The following CAMSAP2 variants were observed in gnomAD, a reference collection of about 807,000 sequenced individuals.
CAMSAP2 encodes the protein calmodulin regulated spectrin associated protein family member 2.
In CAMSAP2, 26 loss-of-function variants were observed where a neutral mutation model predicts 146.1. The observed-to-expected ratio is 0.18, with a 90% CI of 0.13 to 0.25. The LOEUF is 0.25. Among genes scored for constraint, CAMSAP2 ranks in the 10% least tolerant of loss-of-function variants. CAMSAP2 has a pLI of 1.00. For missense variants in CAMSAP2, 1,381 were observed against 1,759.3 expected (o/e 0.78, Z 3.85); for synonymous variants, 499 against 596.6 (o/e 0.84, Z 2.38).
chr1:200,848,994 C>T lies in CAMSAP2; in HGVS notation c.2225C>T (p.Thr742Ile), dbSNP rs267598286. The T allele has an allele frequency of 3.1e-6, 5 of 1,614,136 alleles. No homozygotes were observed. The Admixed American group carries it at 6.7e-5, about 22-fold the overall frequency. Residue 742 changes from threonine to isoleucine, a missense_variant, in exon 11 of 17, where the codon ACT becomes ATT. This residue lies in a region of CAMSAP2 where 560 missense variants were observed against 715.9 expected (regional missense o/e 0.78). Transcript: ENST00000358823. ...EETGLPQGRD[T>I]TQLLASEMVH... ...ACAGGGCTTCCACAGGGACGGGACA[C>T]TACCCAGCTGTTGGCCTCTGAAATG... is the stretch of plus-strand genomic sequence containing the variant.
chr1:200,813,425 C>T (rs540205155), intron 3 of CAMSAP2, among the ~76,000 whole-genome samples: 2 of 152,360 alleles, frequency 1.3e-5, no homozygotes, highest in South Asian at 4.1e-4. Flanking sequence ...GATCTTCCTG[C>T]TCCCATTATT....
At position 200,853,770 on chromosome 1, in the gene CAMSAP2, T is replaced by C. The variant is rs1267220368; in HGVS notation, c.3823+275T>C. Among the ~76,000 whole-genome samples, 1 of 152,240 alleles carries C rather than the reference T, an allele frequency of 6.6e-6. No individual in the cohort carries two copies. Among genetic ancestry groups the C allele is most frequent in the African/African-American group, 2.4e-5 (1 of 41,470 alleles). On this transcript the variant is annotated intron_variant, in intron 13 of 16. Transcript: ENST00000358823. This position sits in a 1 kb window ranked among gnomAD's most constrained non-coding sequence, Gnocchi z 5.1. ...ACTGTGCCCTCAGATATAATCTCCT[T>C]GAACTATTAACTGCCCTTTACATAC... is the stretch of plus-strand genomic sequence containing the variant.
In CAMSAP2 at chr1:200,839,561, G is replaced by A. The variant is rs553016093; in HGVS notation, c.928-2433G>A. Among the ~76,000 whole-genome samples the A allele has an allele frequency of 1.3e-3, 192 of 152,286 alleles. 1 individual carries two copies. The highest frequency in any genetic ancestry group is 4.5e-3 in the African/African-American group (189 of 41,552). ...TAATGGCATTCACAGCAATTTGGAT[G>A]GAATTGGAGACCATTATTCTAAGTG... On this transcript the variant is annotated intron_variant, in intron 6 of 16. Transcript: ENST00000358823.
chr1:200,850,278 A>G, intron 11 of CAMSAP2, 44 bp downstream of exon 11: 1 of 1,480,606 alleles, frequency 6.8e-7, no homozygotes, highest in Non-Finnish European at 9.0e-7. Flanking sequence ...TCATTAGATG[A>G]GTGTGGTTGT....
chr1:200,761,354 CTT>C (rs1209300997), intron 2 of CAMSAP2, among the ~76,000 whole-genome samples: 1 of 152,174 alleles, frequency 6.6e-6, no homozygotes, highest in African/African-American at 2.4e-5. Flanking sequence ...TAATTGAAAA[CTT>C]TTATTTTTTC....
At chr1:200,838,357 T>C (rs569477234) in intron 6 of CAMSAP2, among the ~76,000 whole-genome samples, 1 of 152,304 alleles carries the variant, frequency 6.6e-6, no homozygotes, top group African/African-American at 2.4e-5. Context: ...AATTTTATAC[T>C]TTGGCTTTAG....
intron 4 of CAMSAP2, among the ~76,000 whole-genome samples, chr1:200,827,876 G>A (rs1320220496): frequency 1.3e-5 from 2 of 151,882 alleles, no homozygotes; most frequent in Non-Finnish European, 1.5e-5. Context: ...TGAAATTATG[G>A]GTTTATTATA....
At chr1:200,776,367 A>G (rs1028457328) in intron 2 of CAMSAP2, among the ~76,000 whole-genome samples, 1 of 152,344 alleles carries the variant, frequency 6.6e-6, no homozygotes, top group Non-Finnish European at 1.5e-5. Context: ...ACCAAGTAAA[A>G]GGGCTGTTTT....
rs549033282 is a variant in CAMSAP2 at position 200,747,767 on chromosome 1, C to T, written c.139+7801C>T. On this transcript the variant is annotated intron_variant, in intron 1 of 16. Coordinates refer to ENST00000358823, the MANE Select transcript of CAMSAP2 (RefSeq NM_203459.4). ...GGCTCACGCCTGTAATCCCAGCACT[C>T]TGGGAGGCCGAGGCAGGCGGATCAC... is the stretch of plus-strand genomic sequence containing the variant. 4.4e-3 allele frequency among the ~76,000 whole-genome samples: 670 copies of T among 152,120 alleles called. 6 individuals are homozygous for T. Among genetic ancestry groups the T allele is most frequent in the African/African-American group, 0.015 (636 of 41,524 alleles).
chr1:200,756,610 G>T (rs547160081), intron 1 of CAMSAP2, among the ~76,000 whole-genome samples: 414 of 152,276 alleles, frequency 2.7e-3, no homozygotes, highest in African/African-American at 9.2e-3. Flanking sequence ...GAAAACCTAT[G>T]TGGTTTTGAG....
At chr1:200,778,798 G>A (rs1665352792) in intron 2 of CAMSAP2, among the ~76,000 whole-genome samples, 1 of 152,012 alleles carries the variant, frequency 6.6e-6, no homozygotes, top group Non-Finnish European at 1.5e-5. Context: ...TTAATAGTTG[G>A]ATTGTATTGA....
chr1:200,860,060 T>C lies in CAMSAP2; in HGVS notation c.*2001T>C, dbSNP rs1028201775. Reference sequence around the variant, plus strand: ...AACAGGACCACCCTTTATTCTTAAATTTGTGTGTGTCCAACAGTTGAATTG... The same window carrying C: ...AACAGGACCACCCTTTATTCTTAAACTTGTGTGTGTCCAACAGTTGAATTG... On this transcript the variant is annotated 3_prime_UTR_variant, in exon 17 of 17. Coordinates refer to ENST00000358823, the MANE Select transcript of CAMSAP2 (RefSeq NM_203459.4). 1 of 152,674 alleles carries C rather than the reference T, an allele frequency of 6.5e-6. No homozygotes were observed. The highest frequency in any genetic ancestry group is 2.4e-5 in the African/African-American group (1 of 41,446). The allele number at this position is 152,674 out of a possible 1,614,324, so 9.5% of individuals were successfully genotyped here.
Position 200,848,039 on chromosome 1 carries a change from G to A in CAMSAP2, c.1270G>A (p.Val424Met). ...GTWPKEKRSSVHGVSFDISFD... is the reference protein window; with the variant it reads ...GTWPKEKRSSMHGVSFDISFD... The stretch of plus-strand genomic sequence containing the variant: ...TCTTTAACTTTTTTTTAGATCATCA[G>A]TGCATGGCGTATCATTTGATATTTC... Residue 424 changes from valine to methionine, a missense_variant, in exon 11 of 17, where the codon GTG becomes ATG. Transcript: ENST00000358823. The A allele has an allele frequency of 6.5e-7, 1 of 1,534,022 alleles. No individual in the cohort carries two copies. The highest frequency in any genetic ancestry group is 8.7e-7 in the Non-Finnish European group (1 of 1,143,846).
chr1:200,843,605 CA>C (rs1470730389), intron 7 of CAMSAP2, among the ~76,000 whole-genome samples: 2 of 152,130 alleles, frequency 1.3e-5, no homozygotes, highest in Non-Finnish European at 2.9e-5. Flanking sequence ...GCTCACTATT[CA>C]AAATACCAAC....
intron 3 of CAMSAP2, among the ~76,000 whole-genome samples, chr1:200,811,119 C>T (rs1262946308): frequency 6.6e-6 from 1 of 152,152 alleles, no homozygotes; most frequent in Non-Finnish European, 1.5e-5. Context: ...TTAATTTAAA[C>T]TCAATCTTTA....
In CAMSAP2 at chr1:200,739,786, T is replaced by A. The variant is rs1664100277; in HGVS notation, c.-42T>A. On this transcript the variant is annotated 5_prime_UTR_variant, in exon 1 of 17. It removes the in-frame stop codon of an upstream open reading frame in the 5' UTR. Transcript: ENST00000358823. The surrounding 1 kb of genome is among the most constrained non-coding windows in gnomAD (Gnocchi z 4.8). Reference sequence around the variant, plus strand: ...CCCGTGGTGGCGAGGCCACGCCATGTGAAGGTTAGGGCCGGGACATCCCGA... The same window carrying A: ...CCCGTGGTGGCGAGGCCACGCCATGAGAAGGTTAGGGCCGGGACATCCCGA... The A allele has an allele frequency of 6.7e-7, 1 of 1,500,238 alleles. No individual in the cohort carries two copies. Among genetic ancestry groups the A allele is most frequent in the African/African-American group, 1.4e-5 (1 of 71,456 alleles). The allele number at this position is 1,500,238 out of a possible 1,614,324, so 92.9% of individuals were successfully genotyped here. A position where few individuals can be genotyped will look rare whatever the true frequency, so the allele number is the denominator to read the frequency against.
Position 200,857,732 on chromosome 1 carries a change from G to T in CAMSAP2, c.4132-22G>T. ...GGGTTTTTATTCGTGTTGTTATGTTGTTTTTGTTTTTTATTTTAAAGGAAA... is the reference window on the plus strand; with the variant it reads ...GGGTTTTTATTCGTGTTGTTATGTTTTTTTTGTTTTTTATTTTAAAGGAAA... On this transcript the variant is annotated intron_variant, in intron 16 of 16. Transcript: ENST00000358823. This position sits in a 1 kb window ranked among gnomAD's most constrained non-coding sequence, Gnocchi z 4.7. 1 of 1,551,814 alleles carries T rather than the reference G, an allele frequency of 6.4e-7. No individual in the cohort carries two copies. The highest frequency in any genetic ancestry group is 8.7e-7 in the Non-Finnish European group (1 of 1,153,428).
intron 2 of CAMSAP2, among the ~76,000 whole-genome samples, chr1:200,769,808 A>G (rs1000937044): frequency 2.6e-5 from 4 of 152,136 alleles, no homozygotes; most frequent in East Asian, 1.9e-4. Context: ...TTGAAGCTTT[A>G]TAATCTTGGC....
intron 2 of CAMSAP2, among the ~76,000 whole-genome samples, chr1:200,764,685 A>G (rs1449338537): frequency 6.6e-6 from 1 of 152,250 alleles, no homozygotes; most frequent in Non-Finnish European, 1.5e-5. Flanking sequence ...CTTTAAGCAG[A>G]CATAGGAAAT....
Sources: allele counts gnomAD v4.1 joint callset (sites outside exome capture counted in the v4.1 genomes callset), GRCh38; gene constraint gnomAD v4.1.1; regional missense constraint gnomAD v4.1.1; non-coding constraint Gnocchi (gnomAD v3.1); transcripts MANE v1.5; gene names NCBI Gene and HGNC (gene_info 2026-07-23, HGNC 2026-07-21).